Variants in LYRM4 observed in about 807,000 individuals in gnomAD.
The protein encoded by LYRM4 is LYR motif containing 4.
LYRM4 carries 9 observed loss-of-function variants against 11.7 expected under a neutral mutation model. The ratio of observed to expected loss-of-function variants is 0.77; its 90% CI spans 0.46 to 1.34. The LOEUF is 1.34. LYRM4 is among the 40% of genes most tolerant of loss of function. The pLI, the probability that LYRM4 is intolerant of heterozygous loss-of-function variation, is 0.00. For missense variants in LYRM4, 133 were observed against 112.5 expected, an observed-to-expected ratio of 1.18 and a Z score of -0.82; for synonymous variants, 42 against 40.4, an observed-to-expected ratio of 1.04 and a Z score of -0.15.
At position 5,108,427 on chromosome 6, in the gene LYRM4, T is replaced by C; in HGVS notation, c.*996A>G. 1.0e-6 allele frequency: 1 copy of C among 976,436 alleles called. No homozygotes were observed. Among genetic ancestry groups the C allele is most frequent in the South Asian group, 4.7e-5 (1 of 21,136 alleles). The allele number at this position is 976,436 out of a possible 1,614,324, so 60.5% of individuals were successfully genotyped here. ...GAATCTGTTTCCAAGAATAAAAGCA[T>C]ACAAACAATATCTTTATTACCTGTA... On this transcript the variant is annotated 3_prime_UTR_variant, in exon 3 of 3. Coordinates refer to ENST00000330636, the MANE Select transcript of LYRM4 (RefSeq NM_020408.6).
chr6:5,223,648 A>G (rs1762715912), intron 1 of LYRM4, among the ~76,000 whole-genome samples: 1 of 152,244 alleles, frequency 6.6e-6, no homozygotes, highest in African/African-American at 2.4e-5. Flanking sequence ...TCCTATAAAT[A>G]GTTCAGCGCC....
At chr6:5,126,489 A>C (rs1330695233) in intron 2 of LYRM4, among the ~76,000 whole-genome samples, 5 of 152,194 alleles carry the variant, frequency 3.3e-5, no homozygotes, top group Admixed American at 3.3e-4. Flanking sequence ...CAGCAACTAC[A>C]CCCAAGGGAA....
intron 2 of LYRM4, among the ~76,000 whole-genome samples, chr6:5,190,465 T>G (rs1279673910): frequency 6.6e-6 from 1 of 152,238 alleles, no homozygotes; most frequent in Non-Finnish European, 1.5e-5. Flanking sequence ...TAAATGATAT[T>G]TATTTAATTA....
the LYRM4 span, chr6:5,066,810 C>A: frequency 1.3e-6 from 1 of 760,034 alleles, no homozygotes; most frequent in South Asian, 1.6e-5. Context: ...TGGTGAGTTC[C>A]TGAAATCCGG....
chr6:5,137,042 C>T (rs1037807708), intron 2 of LYRM4, among the ~76,000 whole-genome samples: 1 of 152,196 alleles, frequency 6.6e-6, no homozygotes, highest in Non-Finnish European at 1.5e-5. Flanking sequence ...CTTTCTGTCT[C>T]GATGCATTTG....
At chr6:5,230,508 T>C (rs1763174709) in intron 1 of LYRM4, among the ~76,000 whole-genome samples, 1 of 152,190 alleles carries the variant, frequency 6.6e-6, no homozygotes, top group East Asian at 1.9e-4. Flanking sequence ...GAGTTAAATA[T>C]TAGACTACAG....
chr6:5,119,883 C>T (rs1272641366), intron 2 of LYRM4, among the ~76,000 whole-genome samples: 1 of 149,864 alleles, frequency 6.7e-6, no homozygotes, highest in Middle Eastern at 3.5e-3. Context: ...CATTCCGCAT[C>T]ATCATAGGAA....
Position 5,113,463 on chromosome 6 carries a change from G to A in LYRM4, c.208-3972C>T, listed in dbSNP as rs763277086. 1.1e-3 allele frequency: 371 copies of A among 326,540 alleles called. 3 individuals carry two copies. Among genetic ancestry groups the A allele is most frequent in the Non-Finnish European group, 8.6e-4 (139 of 160,834 alleles). The allele number at this position is 326,540 out of a possible 1,614,324, so 20.2% of individuals were successfully genotyped here. A position where few individuals can be genotyped will look rare whatever the true frequency, so the allele number is the denominator to read the frequency against. On this transcript the variant is annotated intron_variant, in intron 2 of 2. Transcript: ENST00000330636. ...GTGAGAGGTGATTCCAGCTTGGAAGGAGGAGTGGCAGAAGTTATAGACGGG... is the reference window on the plus strand; with the variant it reads ...GTGAGAGGTGATTCCAGCTTGGAAGAAGGAGTGGCAGAAGTTATAGACGGG...
At chr6:5,238,962 T>A (rs1200986467) in intron 1 of LYRM4, among the ~76,000 whole-genome samples, 1 of 152,270 alleles carries the variant, frequency 6.6e-6, no homozygotes, top group African/African-American at 2.4e-5. Context: ...AAAGGAAGAA[T>A]TCTGCTTCTG....
intron 2 of LYRM4, among the ~76,000 whole-genome samples, chr6:5,197,690 T>C (rs1761148207): frequency 6.6e-6 from 1 of 151,974 alleles, no homozygotes; most frequent in Admixed American, 6.6e-5. Flanking sequence ...AATAAATAAA[T>C]AAAATAAAAG....
At chr6:5,215,169 A>C (rs905832156) in intron 2 of LYRM4, among the ~76,000 whole-genome samples, 4 of 152,176 alleles carry the variant, frequency 2.6e-5, no homozygotes, top group Non-Finnish European at 5.9e-5. Context: ...TATACTCTGG[A>C]TAATTTTACG....
intron 2 of LYRM4, among the ~76,000 whole-genome samples, chr6:5,118,094 A>ATATATATATATATTTT: frequency 4.7e-3 from 404 of 85,980 alleles, no homozygotes; most frequent in South Asian, 0.01. Context: ...ATATATATAT[A>ATATATATATATATTTT]TTTTTGTTTT....
the LYRM4 span, chr6:5,085,689 G>C: frequency 6.5e-7 from 1 of 1,548,014 alleles, no homozygotes; most frequent in Non-Finnish European, 8.7e-7. Context: ...CCGCCCCCCA[G>C]GAGCAGGAGG....
the LYRM4 span, chr6:5,085,286 C>T: frequency 3.1e-5 from 16 of 514,086 alleles, no homozygotes; most frequent in Non-Finnish European, 1.0e-5. Context: ...GCATCCTCCT[C>T]CCACTTCGCC....
chr6:5,156,687 C>A (rs76106008), intron 2 of LYRM4, among the ~76,000 whole-genome samples: 47,549 of 121,550 alleles, frequency 0.39, 7,710 homozygotes, highest in African/African-American at 0.43. Flanking sequence ...TTTTATGCAA[C>A]CGAATCCAGA....
rs1756995275 is a variant in LYRM4 at position 5,134,922 on chromosome 6, TGGGACTGTGGAGGGTGCGGATCACTCCC to T, written c.208-25459_208-25432del. Among the ~76,000 whole-genome samples the T allele has an allele frequency of 2.8e-5, 3 of 105,268 alleles. 1 individual carries two copies. The highest frequency in any genetic ancestry group is 1.1e-4 in the African/African-American group (3 of 27,666). 69.1% of individuals were successfully genotyped at this position (105,268 alleles called of 152,430 possible). ...GGCTGTGGAGGGTGCGGTTCACTCC[TGGGACTGTGGAGGGTGCGGATCACTCCC>T]GGGACTGTGGAGGGTGCGGATCGCT... On this transcript the variant is annotated intron_variant, in intron 2 of 2. Coordinates refer to ENST00000330636, the MANE Select transcript of LYRM4 (RefSeq NM_020408.6).
the LYRM4 span, among the ~76,000 whole-genome samples, chr6:5,036,173 A>G: frequency 1.3e-5 from 2 of 152,176 alleles, no homozygotes; most frequent in South Asian, 4.1e-4. Context: ...CTATAATAAA[A>G]TTTTGTTGAG....
At chr6:5,034,891 T>C in the LYRM4 span, among the ~76,000 whole-genome samples, 1 of 151,542 alleles carries the variant, frequency 6.6e-6, no homozygotes, top group African/African-American at 2.4e-5. Flanking sequence ...GGTGATACAA[T>C]GTGAAAAAGG....
At chr6:5,147,663 T>A (rs767584934) in intron 2 of LYRM4, among the ~76,000 whole-genome samples, 1 of 152,232 alleles carries the variant, frequency 6.6e-6, no homozygotes, top group Non-Finnish European at 1.5e-5. Context: ...GAAACAGGGA[T>A]ACTAAAATTC....
Sources: allele counts gnomAD v4.1 joint callset (sites outside exome capture counted in the v4.1 genomes callset), GRCh38; gene constraint gnomAD v4.1.1; transcripts MANE v1.5; gene names NCBI Gene and HGNC (gene_info 2026-07-23, HGNC 2026-07-21).